The following ROBO3 variants were observed in gnomAD, a reference collection of about 807,000 sequenced individuals.
ROBO3 encodes the protein roundabout homolog 3.
Under a neutral mutation model 160.5 loss-of-function variants are expected in ROBO3, and 97 were observed. The observed-to-expected ratio is 0.60, with a 90% CI of 0.51 to 0.72. The LOEUF (loss-of-function observed/expected upper bound fraction) is 0.72. Among genes scored for constraint, ROBO3 ranks in the 30% least tolerant of loss-of-function variants. The pLI is 0.00. For missense variants in ROBO3, 1,858 were observed against 1,846.5 expected (o/e 1.01, Z -0.11); for synonymous variants, 780 against 746.2 (o/e 1.05, Z -0.74).
In ROBO3 at chr11:124,873,796, C is replaced by T. The variant is rs2135330991; in HGVS notation, c.1718C>T (p.Thr573Ile). The T allele has an allele frequency of 6.2e-7, 1 of 1,613,938 alleles. No homozygotes were observed. Among genetic ancestry groups the T allele is most frequent in the South Asian group, 1.1e-5 (1 of 91,060 alleles). ...ACTGAGATCACCAAGAACAGCATTACCCTGACCTGGAAGCCCAACCCACAA... is the reference window on the plus strand; with the variant it reads ...ACTGAGATCACCAAGAACAGCATTATCCTGACCTGGAAGCCCAACCCACAA... Reference protein sequence around the residue: ...VVTEITKNSITLTWKPNPQTG... With the variant: ...VVTEITKNSIILTWKPNPQTG... Residue 573 changes from threonine to isoleucine, a missense_variant, in exon 11 of 28, where the codon ACC becomes ATC. Physicochemically the swap from Thr to Ile is moderately conservative, Grantham distance 89 (BLOSUM62 -1). Coordinates refer to ENST00000397801, the MANE Select transcript of ROBO3 (RefSeq NM_022370.4). The surrounding 1 kb of genome is among the most constrained non-coding windows in gnomAD (Gnocchi z 4.5).
At position 124,873,079 on chromosome 11, in the gene ROBO3, C is replaced by A; in HGVS notation, c.1526C>A (p.Ala509Asp). The A allele has an allele frequency of 6.2e-7, 1 of 1,613,194 alleles. No individual in the cohort carries two copies. The highest frequency in any genetic ancestry group is 1.1e-5 in the South Asian group (1 of 90,984). ...ATGGCCAACGGTACCCTGTACATCG[C>A]CAATGTGCAGGTGAGTGTCACCCCT... The part of the protein sequence containing the change: ...KTMANGTLYI[A>D]NVQEMDMGFY... The change falls in exon 9 of 28, where the codon GCC becomes GAC. Residue 509 changes from alanine (A) to aspartate (D), a missense_variant. Coordinates refer to ENST00000397801, the MANE Select transcript of ROBO3 (RefSeq NM_022370.4). This position sits in a 1 kb window ranked among gnomAD's most constrained non-coding sequence, Gnocchi z 4.5.
rs1946250881 is a variant in ROBO3 at position 124,869,496 on chromosome 11, A to G, written c.534A>G (p.Ala178=). The change falls in exon 3 of 28, where the codon GCA becomes GCG. Residue 178 remains alanine, a synonymous_variant. Coordinates refer to ENST00000397801, the MANE Select transcript of ROBO3 (RefSeq NM_022370.4). The surrounding 1 kb of genome is among the most constrained non-coding windows in gnomAD (Gnocchi z 4.2). ...AGTCTCCTGGAAACGTGGTGGTGGC[A>G]GTGGGGGAGCCAGCAGTACTGGAAT... ...FRQSPGNVVV[A]VGEPAVLECV... 10 of 1,459,888 alleles carry G rather than the reference A, an allele frequency of 6.8e-6. No individual in the cohort carries two copies. The highest frequency in any genetic ancestry group is 2.0e-5 in the Admixed American group (1 of 48,878). 90.4% of individuals were successfully genotyped at this position (1,459,888 alleles called of 1,614,324 possible). A position where few individuals can be genotyped will look rare whatever the true frequency, so the allele number is the denominator to read the frequency against.
In ROBO3 at chr11:124,865,518, G is replaced by T. The variant is rs543770866; in HGVS notation, c.-60G>T. 478 of 1,563,938 alleles carry T rather than the reference G, an allele frequency of 3.1e-4. 1 individual carries two copies. The African/African-American group carries it at 5.9e-3, about 19-fold the overall frequency. ...AGGGGCTTACGGCTCCCAGCCCACGGGTCTCAGACCCAGGGGCTGGGCCCC... is the reference window on the plus strand; with the variant it reads ...AGGGGCTTACGGCTCCCAGCCCACGTGTCTCAGACCCAGGGGCTGGGCCCC... On this transcript the variant is annotated 5_prime_UTR_variant, in exon 1 of 28. Transcript: ENST00000397801. This position sits in a 1 kb window ranked among gnomAD's most constrained non-coding sequence, Gnocchi z 5.5.
intron 1 of ROBO3, among the ~76,000 whole-genome samples, chr11:124,867,330 C>T (rs567697736): frequency 2.0e-5 from 3 of 152,332 alleles, no homozygotes; most frequent in Admixed American, 6.5e-5. Flanking sequence ...TAGAGCAACC[C>T]TATCACTGCT....
chr11:124,878,213 C>G lies in ROBO3; in HGVS notation c.3181+82C>G. On this transcript the variant is annotated intron_variant, in intron 21 of 27. Coordinates refer to ENST00000397801, the MANE Select transcript of ROBO3 (RefSeq NM_022370.4). The surrounding 1 kb of genome is among the most constrained non-coding windows in gnomAD (Gnocchi z 4.3). Reference sequence around the variant, plus strand: ...GATCCTCCTCCCTGACCCTCTGGCACCTAGCCCGGCACTTCCTTCTGACCT... The same window carrying G: ...GATCCTCCTCCCTGACCCTCTGGCAGCTAGCCCGGCACTTCCTTCTGACCT... 6.4e-7 allele frequency: 1 copy of G among 1,574,432 alleles called. No individual in the cohort carries two copies. Among genetic ancestry groups the G allele is most frequent in the Non-Finnish European group, 8.7e-7 (1 of 1,155,334 alleles).
At position 124,865,471 on chromosome 11, in the gene ROBO3, C is replaced by A; in HGVS notation, c.-107C>A. ...CGGCAGGAGAGCGGCACCGTGGCTG[C>A]CGCAGCGCGCAGAGGCTGTGGAGGG... On this transcript the variant is annotated 5_prime_UTR_variant, in exon 1 of 28. Transcript: ENST00000397801. The surrounding 1 kb of genome is among the most constrained non-coding windows in gnomAD (Gnocchi z 5.5). The A allele has an allele frequency of 1.7e-6, 2 of 1,197,776 alleles. No individual in the cohort carries two copies. Among genetic ancestry groups the A allele is most frequent in the South Asian group, 2.9e-5 (2 of 68,582 alleles). The allele number at this position is 1,197,776 out of a possible 1,614,324, so 74.2% of individuals were successfully genotyped here.
chr11:124,871,252 C>T (rs576600294), intron 7 of ROBO3, 114 bp downstream of exon 7: 4 of 1,289,184 alleles, frequency 3.1e-6, no homozygotes, highest in African/African-American at 3.0e-5. Flanking sequence ...TTGGGAGCCC[C>T]CAGAAACCCT....
At chr11:124,874,367 G>A (rs889263280) in intron 12 of ROBO3, 131 bp downstream of exon 12, 21 of 820,814 alleles carry the variant, frequency 2.6e-5, no homozygotes, top group East Asian at 5.4e-5. Flanking sequence ...CTGGTGGCCC[G>A]GCCTGGAATA....
At chr11:124,877,350 A>G (rs752370912) in intron 19 of ROBO3, 41 bp downstream of exon 19, 1 of 1,611,814 alleles carries the variant, frequency 6.2e-7, no homozygotes, top group South Asian at 1.1e-5. Context: ...ACCTCCACCG[A>G]CAGGCCACTC....
At position 124,871,026 on chromosome 11, in the gene ROBO3, T is replaced by G; in HGVS notation, c.1046T>G (p.Leu349Trp). 6.2e-7 allele frequency: 1 copy of G among 1,607,204 alleles called. No individual in the cohort carries two copies. Among genetic ancestry groups the G allele is most frequent in the Non-Finnish European group, 8.5e-7 (1 of 1,174,318 alleles). ...GSLSVHVPPQ[L>W]VTQPQDQMAA... The stretch of plus-strand genomic sequence containing the variant: ...CTGCCCTTCCCAGTCCCACCCCAGT[T>G]GGTGACCCAGCCCCAGGACCAGATG... Residue 349 changes from leucine (L) to tryptophan (W), a missense_variant, in exon 7 of 28, where the codon TTG becomes TGG. By Grantham distance (61) the Leu-to-Trp change is moderately conservative. Coordinates refer to ENST00000397801, the MANE Select transcript of ROBO3 (RefSeq NM_022370.4).
In ROBO3 at chr11:124,878,381, C is replaced by G; in HGVS notation, c.3265C>G (p.Pro1089Ala). ...CTGGCCAGAAGCCCTGCCCCCACCT[C>G]CTCCTTCTTGTGAACTGAGCTGCCT... ...LNWPEALPPPPPSCELSCLEG... is the reference protein window; with the variant it reads ...LNWPEALPPPAPSCELSCLEG... The change falls in exon 22 of 28, where the codon CCT (proline) becomes GCT (alanine). Residue 1089 changes from proline (P) to alanine (A), a missense_variant. Transcript: ENST00000397801. This position sits in a 1 kb window ranked among gnomAD's most constrained non-coding sequence, Gnocchi z 4.3. 1 of 1,613,984 alleles carries G rather than the reference C, an allele frequency of 6.2e-7. No homozygotes were observed. Among genetic ancestry groups the G allele is most frequent in the South Asian group, 1.1e-5 (1 of 91,084 alleles).
Position 124,880,474 on chromosome 11 carries a change from A to G in ROBO3, c.4015A>G (p.Ser1339Gly), listed in dbSNP as rs1464679627. 3.7e-6 allele frequency: 6 copies of G among 1,609,722 alleles called. No homozygotes were observed. The change falls in exon 27 of 28, where the codon AGC becomes GGC. Residue 1339 changes from serine (S) to glycine (G), a missense_variant. Transcript: ENST00000397801. ...PSFLSRGQGT[S>G]TCSTAGSNSS... ...CTTCCTGTCCCGGGGCCAGGGCACC[A>G]GCACATGTTCCACGGCCGGCAGCAA...
At position 124,873,119 on chromosome 11, in the gene ROBO3, T is replaced by G; in HGVS notation, c.1536+30T>G. 6.3e-7 allele frequency: 1 copy of G among 1,594,532 alleles called. No homozygotes were observed. The highest frequency in any genetic ancestry group is 8.6e-7 in the Non-Finnish European group (1 of 1,165,558). ...GTGTCACCCCTGGGGCCCTAGTAGCTGAGAATGGCTATCTGCTCCACGTTC... is the reference window on the plus strand; with the variant it reads ...GTGTCACCCCTGGGGCCCTAGTAGCGGAGAATGGCTATCTGCTCCACGTTC... On this transcript the variant is annotated intron_variant, in intron 9 of 27. Transcript: ENST00000397801. This position sits in a 1 kb window ranked among gnomAD's most constrained non-coding sequence, Gnocchi z 4.5.
chr11:124,869,405 G>C lies in ROBO3; in HGVS notation c.488-45G>C, dbSNP rs1238537952. On this transcript the variant is annotated intron_variant, in intron 2 of 27. Coordinates refer to ENST00000397801, the MANE Select transcript of ROBO3 (RefSeq NM_022370.4). The surrounding 1 kb of genome is among the most constrained non-coding windows in gnomAD (Gnocchi z 4.2). The stretch of plus-strand genomic sequence containing the variant: ...TTTCCCTGTGTCCTCAGCCAGTTAT[G>C]TCACTCTACACCCTGCTTATTTCGC... The C allele has an allele frequency of 1.3e-5, 20 of 1,490,644 alleles. No individual in the cohort carries two copies. The highest frequency in any genetic ancestry group is 1.8e-5 in the Non-Finnish European group (20 of 1,093,782). The allele number at this position is 1,490,644 out of a possible 1,614,324, so 92.3% of individuals were successfully genotyped here.
Position 124,869,428 on chromosome 11 carries a change from C to CGGGGGGGGGGGGGGGGGG in ROBO3, c.488-21_488-20insGGGGGGGGGGGGGGGGGG. On this transcript the variant is annotated intron_variant, in intron 2 of 27. Coordinates refer to ENST00000397801, the MANE Select transcript of ROBO3 (RefSeq NM_022370.4). The surrounding 1 kb of genome is among the most constrained non-coding windows in gnomAD (Gnocchi z 4.2). ...ATGTCACTCTACACCCTGCTTATTT[C>CGGGGGGGGGGGGGGGGGG]GCCCCCCACCGCCCCGCCCAGTCCT... 1 of 1,383,816 alleles carries CGGGGGGGGGGGGGGGGGG rather than the reference C, an allele frequency of 7.2e-7. No individual in the cohort carries two copies. The highest frequency in any genetic ancestry group is 1.2e-5 in the South Asian group (1 of 81,656). 85.7% of individuals were successfully genotyped at this position (1,383,816 alleles called of 1,614,324 possible).
rs1946188745 is a variant in ROBO3 at position 124,865,803 on chromosome 11, A to C, written c.160+66A>C. 4.0e-6 allele frequency: 6 copies of C among 1,492,176 alleles called. No homozygotes were observed. Among genetic ancestry groups the C allele is most frequent in the Non-Finnish European group, 4.5e-6 (5 of 1,114,378 alleles). 92.4% of individuals were successfully genotyped at this position (1,492,176 alleles called of 1,614,324 possible). A position where few individuals can be genotyped will look rare whatever the true frequency, so the allele number is the denominator to read the frequency against. On this transcript the variant is annotated intron_variant, in intron 1 of 27. Transcript: ENST00000397801. This position sits in a 1 kb window ranked among gnomAD's most constrained non-coding sequence, Gnocchi z 5.5. ...GGATGAGGTGAGAGGGCGGCGTGGA[A>C]GGGAAGGAGAAGCGCTCCTGTCCCG...
Position 124,869,665 on chromosome 11 carries a change from G to A in ROBO3, c.645+58G>A, listed in dbSNP as rs1327250300. ...AAGGGAGGGGACATAGGGTAGGGAG[G>A]TGACAAGGCTGGAGATTGAGATCAG... On this transcript the variant is annotated intron_variant, in intron 3 of 27. Coordinates refer to ENST00000397801, the MANE Select transcript of ROBO3 (RefSeq NM_022370.4). This position sits in a 1 kb window ranked among gnomAD's most constrained non-coding sequence, Gnocchi z 4.2. 1.7e-5 allele frequency: 26 copies of A among 1,490,196 alleles called. No individual in the cohort carries two copies. Among genetic ancestry groups the A allele is most frequent in the Non-Finnish European group, 2.3e-5 (26 of 1,111,056 alleles). 92.3% of individuals were successfully genotyped at this position (1,490,196 alleles called of 1,614,324 possible). A position where few individuals can be genotyped will look rare whatever the true frequency, so the allele number is the denominator to read the frequency against.
Position 124,865,438 on chromosome 11 carries a change from AGGCGCACCGGCAGGAGAGC to A in ROBO3, c.-136_-118del. On this transcript the variant is annotated 5_prime_UTR_variant, in exon 1 of 28. Coordinates refer to ENST00000397801, the MANE Select transcript of ROBO3 (RefSeq NM_022370.4). This position sits in a 1 kb window ranked among gnomAD's most constrained non-coding sequence, Gnocchi z 5.5. ...GCACGAAGAGGCACCGACCGTACCC[AGGCGCACCGGCAGGAGAGC>A]GGCACCGTGGCTGCCGCAGCGCGCA... 1 of 791,902 alleles carries A rather than the reference AGGCGCACCGGCAGGAGAGC, an allele frequency of 1.3e-6. No homozygotes were observed. The highest frequency in any genetic ancestry group is 2.0e-6 in the Non-Finnish European group (1 of 504,304). The allele number at this position is 791,902 out of a possible 1,614,324, so 49.1% of individuals were successfully genotyped here. A position where few individuals can be genotyped will look rare whatever the true frequency, so the allele number is the denominator to read the frequency against.
In ROBO3 at chr11:124,872,867, C is replaced by A; in HGVS notation, c.1331-17C>A. 6.4e-7 allele frequency: 1 copy of A among 1,573,872 alleles called. No homozygotes were observed. Among genetic ancestry groups the A allele is most frequent in the East Asian group, 2.3e-5 (1 of 44,098 alleles). ...CTAAGCTCCTCCCCTGAGGTGCACA[C>A]GTTCTTCCTCTCTCAGCCTCTTTGG... is the stretch of plus-strand genomic sequence containing the variant. On this transcript the variant is annotated splice_polypyrimidine_tract_variant and intron_variant, in intron 8 of 27. Coordinates refer to ENST00000397801, the MANE Select transcript of ROBO3 (RefSeq NM_022370.4). This position sits in a 1 kb window ranked among gnomAD's most constrained non-coding sequence, Gnocchi z 4.3.
Sources: gnomAD v4.1 joint callset for allele counts (sites outside exome capture counted in the v4.1 genomes callset) on GRCh38, gnomAD v4.1.1 for gene constraint, Gnocchi (gnomAD v3.1) non-coding constraint, MANE v1.5 for transcripts, NCBI Gene and HGNC (gene_info 2026-07-23, HGNC 2026-07-21) for gene names.